DAB1: variants seen among roughly 807,000 people sequenced by gnomAD.
DAB1 encodes DAB adaptor protein 1.
In DAB1, 15 loss-of-function variants were observed where a neutral mutation model predicts 64.6. The observed-to-expected ratio is 0.23, with a 90% confidence interval of 0.16 to 0.36. DAB1 has a LOEUF of 0.36. DAB1 is among the 10% of genes least tolerant of loss of function. The pLI is 1.00. For missense variants in DAB1, 596 were observed against 706.7 expected (o/e 0.84, Z 1.78); for synonymous variants, 235 against 251.9 (o/e 0.93, Z 0.64).
intron 3 of DAB1, among the ~76,000 whole-genome samples, chr1:58,438,112 C>T (rs942352011): frequency 2.0e-5 from 3 of 152,206 alleles, no homozygotes; most frequent in Admixed American, 6.5e-5. Flanking sequence ...GGCTGCAATC[C>T]GTCTGTCCTT....
At chr1:58,490,485 C>G (rs1645661874) in intron 3 of DAB1, among the ~76,000 whole-genome samples, 1 of 152,148 alleles carries the variant, frequency 6.6e-6, no homozygotes, top group Admixed American at 6.5e-5. Context: ...CTGAAAGTGA[C>G]AGGGAGAATG....
intron 5 of DAB1, among the ~76,000 whole-genome samples, chr1:57,992,070 T>C (rs959441586): frequency 2.6e-5 from 4 of 152,046 alleles, no homozygotes; most frequent in African/African-American, 9.7e-5. Context: ...AAGTGGGAAT[T>C]CCTTTTTTAC....
intron 7 of DAB1, among the ~76,000 whole-genome samples, chr1:57,526,420 G>A (rs1357784): frequency 1 from 151,736 of 152,336 alleles, 75,571 homozygotes; most frequent in South Asian, 1. Context: ...GCATGCTTTC[G>A]TATTGGACTT....
chr1:57,407,767 AGTGTGTGTGTGT>A (rs3991224), intron 1 of DAB1, among the ~76,000 whole-genome samples: 29,544 of 146,948 alleles, frequency 0.2, 3,080 homozygotes, highest in African/African-American at 0.24. Context: ...AGATATCTGA[AGTGTGTGTGTGT>A]GTGTGTGTGT....
intron 2 of DAB1, among the ~76,000 whole-genome samples, chr1:57,154,177 C>T (rs1659988741): frequency 6.6e-6 from 1 of 152,168 alleles, no homozygotes. Context: ...TAGCCATCCC[C>T]ACTGCAGCCC....
chr1:57,116,477 A>AG (rs1656135654), intron 4 of DAB1, among the ~76,000 whole-genome samples: 1 of 147,058 alleles, frequency 6.8e-6, no homozygotes, highest in South Asian at 2.2e-4. Flanking sequence ...AAAAAAAAAA[A>AG]AAAAAAGAAA....
At chr1:57,911,323 C>A (rs1355886691) in intron 5 of DAB1, among the ~76,000 whole-genome samples, 1 of 152,180 alleles carries the variant, frequency 6.6e-6, no homozygotes, top group African/African-American at 2.4e-5. Flanking sequence ...CCAAAATCTG[C>A]ATTTCCCATA....
intron 7 of DAB1, among the ~76,000 whole-genome samples, chr1:57,491,415 G>A (rs1272301594): frequency 2.0e-5 from 3 of 151,820 alleles, no homozygotes; most frequent in African/African-American, 4.8e-5. Flanking sequence ...GTGACAGAGC[G>A]AGACTCCATC....
chr1:57,469,283 C>A (rs1570548901), intron 7 of DAB1, among the ~76,000 whole-genome samples: 2 of 152,274 alleles, frequency 1.3e-5, no homozygotes, highest in Middle Eastern at 3.4e-3. Flanking sequence ...CTTAGGTAAG[C>A]GGTTCACACA....
rs34491285 is a variant in DAB1, at chr1:57,295,502, A to G, written c.-136-4336T>C. ...AACAGGACATTTATCAACAAGGCCC[A>G]AAGGTTTATAACAGTACAGACAAGA... is the stretch of plus-strand genomic sequence containing the variant. On this transcript the variant is annotated intron_variant, in intron 1 of 14. Coordinates refer to ENST00000371236, the MANE Select transcript of DAB1 (RefSeq NM_001365792.1). Among the ~76,000 whole-genome samples, 721 of 152,304 alleles carry G rather than the reference A, an allele frequency of 4.7e-3. 3 individuals are homozygous for G. Among genetic ancestry groups the G allele is most frequent in the Middle Eastern group, 6.8e-3 (2 of 294 alleles).
chr1:58,009,217 A>T (rs550904484), intron 5 of DAB1, among the ~76,000 whole-genome samples: 1 of 152,328 alleles, frequency 6.6e-6, no homozygotes, highest in African/African-American at 2.4e-5. Flanking sequence ...GTCCAGGATC[A>T]TATTCCTAGA....
intron 2 of DAB1, among the ~76,000 whole-genome samples, chr1:58,509,975 T>C (rs1291055269): frequency 6.6e-6 from 1 of 152,042 alleles, no homozygotes; most frequent in Admixed American, 6.5e-5. Flanking sequence ...CTATAACTAA[T>C]GAGATTGAGT....
chr1:58,009,426 A>C (rs558744573), intron 5 of DAB1, among the ~76,000 whole-genome samples: 1 of 152,348 alleles, frequency 6.6e-6, no homozygotes, highest in African/African-American at 2.4e-5. Context: ...ATAAGGGGGC[A>C]CTGTGTAAGG....
intron 7 of DAB1, among the ~76,000 whole-genome samples, chr1:57,508,224 T>C (rs920028722): frequency 1.3e-5 from 2 of 152,202 alleles, no homozygotes; most frequent in African/African-American, 4.8e-5. Flanking sequence ...TCAACAGCAA[T>C]GATTTTCTTT....
intron 4 of DAB1, among the ~76,000 whole-genome samples, chr1:58,182,291 T>C (rs1226251091): frequency 6.6e-6 from 1 of 151,952 alleles, no homozygotes; most frequent in Non-Finnish European, 1.5e-5. Flanking sequence ...TTATCCTATT[T>C]GGAGTTCACT....
chr1:57,679,256 G>C (rs919743287), intron 6 of DAB1, among the ~76,000 whole-genome samples: 2 of 152,184 alleles, frequency 1.3e-5, no homozygotes, highest in Admixed American at 6.5e-5. Context: ...GAGGTAGGGA[G>C]ACAAAGTTGT....
At chr1:57,327,067 T>C (rs950440588) in intron 1 of DAB1, among the ~76,000 whole-genome samples, 1 of 152,092 alleles carries the variant, frequency 6.6e-6, no homozygotes, top group Non-Finnish European at 1.5e-5. Flanking sequence ...GCCCCCTGAG[T>C]ATCTGGGACT....
At chr1:57,728,192 C>A (rs1421790740) in intron 6 of DAB1, among the ~76,000 whole-genome samples, 1 of 152,190 alleles carries the variant, frequency 6.6e-6, no homozygotes, top group Admixed American at 6.5e-5. Flanking sequence ...AAGAGATATG[C>A]ATGTGCCTGT....
intron 4 of DAB1, among the ~76,000 whole-genome samples, chr1:58,258,267 A>G (rs910531327): frequency 2.6e-5 from 4 of 152,190 alleles, no homozygotes; most frequent in African/African-American, 9.7e-5. Flanking sequence ...CCAAGGACCC[A>G]TTCTGTTTAC....
Sources: gnomAD v4.1 joint callset for allele counts (sites outside exome capture counted in the v4.1 genomes callset) on GRCh38, gnomAD v4.1.1 for gene constraint, MANE v1.5 for transcripts, NCBI Gene and HGNC (gene_info 2026-07-23, HGNC 2026-07-21) for gene names.